The following PRDM15 variants were observed in gnomAD, a reference collection of about 807,000 sequenced individuals.
The protein encoded by PRDM15 is PR/SET domain 15, also known as PR domain zinc finger protein 15.
Under a neutral mutation model 128.6 loss-of-function variants are expected in PRDM15, and 64 were observed. That is an observed-to-expected ratio of 0.50 (90% CI 0.41 to 0.61). The LOEUF (loss-of-function observed/expected upper bound fraction) is 0.61, where lower values mean the gene tolerates loss of function less well. Ranked by LOEUF, PRDM15 falls within the 20% of genes least tolerant of loss-of-function variation. The pLI is 0.00. For synonymous variants in PRDM15, 615 were observed against 621.8 expected (o/e 0.99, Z 0.16); for missense variants, 1,242 against 1,569.1 (o/e 0.79, Z 3.52).
chr21:41,861,542 C>G (rs7280316), intron 1 of PRDM15: 538,726 of 1,563,420 alleles, frequency 0.34, 94,780 homozygotes, highest in African/African-American at 0.44. Context: ...CTGCCCCCCC[C>G]CAATCCCCAA....
Position 41,828,201 on chromosome 21 carries a change from T to A in PRDM15, c.1499A>T (p.Asp500Val). 2 of 1,614,000 alleles carry A rather than the reference T, an allele frequency of 1.2e-6. No individual in the cohort carries two copies. The highest frequency in any genetic ancestry group is 1.7e-6 in the Non-Finnish European group (2 of 1,179,976). Residue 500 changes from aspartate to valine, a missense_variant, in exon 12 of 24, where the codon GAC becomes GTC. Transcript: ENST00000398548. This position sits in a 1 kb window ranked among gnomAD's most constrained non-coding sequence, Gnocchi z 5.7. ...CCGGCGCTGGTGGTCCAGCATGACGTCCTTGCGGTAGAACATCTTGCTGCA... is the reference window on the plus strand; with the variant it reads ...CCGGCGCTGGTGGTCCAGCATGACGACCTTGCGGTAGAACATCTTGCTGCA... ...EVCSKMFYRK[D>V]VMLDHQRRHL...
intron 13 of PRDM15, among the ~76,000 whole-genome samples, chr21:41,825,401 C>T (rs2146441851): frequency 6.6e-6 from 1 of 152,184 alleles, no homozygotes; most frequent in East Asian, 1.9e-4. Context: ...CAGGATGGCC[C>T]CCTCACCGTG....
At chr21:41,807,399 G>A (rs1321418839) in intron 21 of PRDM15, among the ~76,000 whole-genome samples, 2 of 152,012 alleles carry the variant, frequency 1.3e-5, no homozygotes, top group Admixed American at 6.5e-5. Context: ...TGACTCCAAC[G>A]AACACCTTCT....
intron 21 of PRDM15, among the ~76,000 whole-genome samples, chr21:41,806,623 T>C (rs147971425): frequency 0.18 from 855 of 4,630 alleles, 54 homozygotes; most frequent in Non-Finnish European, 0.25. Context: ...ATCACCACCA[T>C]CATCACCACC....
intron 14 of PRDM15, among the ~76,000 whole-genome samples, chr21:41,822,382 T>G (rs1200201278): frequency 2.6e-5 from 4 of 152,254 alleles, no homozygotes; most frequent in African/African-American, 9.6e-5. Context: ...TGATCAGCGC[T>G]TCTCCCAGCC....
chr21:41,840,329 C>T (rs1440754365), intron 6 of PRDM15, among the ~76,000 whole-genome samples: 2 of 151,902 alleles, frequency 1.3e-5, no homozygotes, highest in African/African-American at 4.8e-5. Flanking sequence ...GCCTGTAGTC[C>T]CAGCCACTGG....
intron 21 of PRDM15, among the ~76,000 whole-genome samples, chr21:41,805,994 C>CCACCACCACCACCACCACCACCAT (rs1568879341): frequency 8.7e-5 from 7 of 80,752 alleles, no homozygotes; most frequent in African/African-American, 2.3e-4. Context: ...ACTATCACCA[C>CCACCACCACCACCACCACCACCAT]CACCACCACC....
At chr21:41,843,712 A>G (rs998634037) in intron 6 of PRDM15, among the ~76,000 whole-genome samples, 1 of 152,222 alleles carries the variant, frequency 6.6e-6, no homozygotes, top group Admixed American at 6.5e-5. Flanking sequence ...GGCCACCGTC[A>G]GTATGGGTGG....
In PRDM15 at chr21:41,854,920, G is replaced by A. The variant is rs2063534983; in HGVS notation, c.286-102C>T. The A allele has an allele frequency of 7.4e-7, 1 of 1,348,086 alleles. No individual in the cohort carries two copies. The highest frequency in any genetic ancestry group is 1.0e-6 in the Non-Finnish European group (1 of 998,422). 83.5% of individuals were successfully genotyped at this position (1,348,086 alleles called of 1,614,324 possible). A position where few individuals can be genotyped will look rare whatever the true frequency, so the allele number is the denominator to read the frequency against. On this transcript the variant is annotated intron_variant, in intron 4 of 23. Transcript: ENST00000398548. This position sits in a 1 kb window ranked among gnomAD's most constrained non-coding sequence, Gnocchi z 4.6. ...GTGCTGAGGAACCCATCTAGACAGT[G>A]CCACGTCAGAGGCCATAAGGGCTCC...
At chr21:41,807,713 A>T (rs889486923) in intron 21 of PRDM15, among the ~76,000 whole-genome samples, 1 of 152,174 alleles carries the variant, frequency 6.6e-6, no homozygotes, top group African/African-American at 2.4e-5. Flanking sequence ...TGTTTGAGTT[A>T]ATGTAGAGGG....
intron 23 of PRDM15, among the ~76,000 whole-genome samples, chr21:41,802,196 AAG>A (rs550670418): frequency 5.9e-5 from 9 of 152,342 alleles, no homozygotes; most frequent in Non-Finnish European, 1.2e-4. Context: ...CCCCCAAAAC[AAG>A]AGAGAGAAGT....
intron 1 of PRDM15, among the ~76,000 whole-genome samples, chr21:41,869,049 T>G (rs1005610759): frequency 1.3e-5 from 2 of 152,182 alleles, no homozygotes; most frequent in Non-Finnish European, 2.9e-5. Context: ...GAGAGTTCCT[T>G]ATCTGTATAT....
intron 6 of PRDM15, among the ~76,000 whole-genome samples, chr21:41,846,815 C>G (rs2146708249): frequency 6.6e-6 from 1 of 152,356 alleles, no homozygotes; most frequent in East Asian, 1.9e-4. Flanking sequence ...CTGGCCCCTG[C>G]CAGTGCTCCA....
chr21:41,807,159 A>T (rs1383142168), intron 21 of PRDM15, among the ~76,000 whole-genome samples: 1 of 152,224 alleles, frequency 6.6e-6, no homozygotes, highest in Non-Finnish European at 1.5e-5. Flanking sequence ...AAGAACCACC[A>T]TAGAAGCATT....
chr21:41,816,457 G>T (rs2062056085), intron 18 of PRDM15, among the ~76,000 whole-genome samples: 1 of 152,158 alleles, frequency 6.6e-6, no homozygotes, highest in African/African-American at 2.4e-5. Flanking sequence ...ACGCACCAGG[G>T]AACAGGGCGA....
At chr21:41,836,404 C>CCTCCCA in intron 9 of PRDM15, 64 bp downstream of exon 9, 2 of 1,523,630 alleles carry the variant, frequency 1.3e-6, no homozygotes, top group Non-Finnish European at 1.8e-6. Context: ...TCCGTGCTGT[C>CCTCCCA]CTCCCACCCC....
In PRDM15 at chr21:41,847,209, G is replaced by A. The variant is rs1383024879; in HGVS notation, c.539-18C>T. On this transcript the variant is annotated intron_variant, in intron 5 of 23. Coordinates refer to ENST00000398548, the MANE Select transcript of PRDM15 (RefSeq NM_001040424.3). ...GCCTGCAGCTTCAAAAGACATGAGAGGAGAAAAAGGTGACCCCCAAGCAGC... is the reference window on the plus strand; with the variant it reads ...GCCTGCAGCTTCAAAAGACATGAGAAGAGAAAAAGGTGACCCCCAAGCAGC... 1.3e-6 allele frequency: 2 copies of A among 1,522,310 alleles called. No homozygotes were observed. The allele number at this position is 1,522,310 out of a possible 1,614,324, so 94.3% of individuals were successfully genotyped here.
chr21:41,845,376 C>T (rs924628731), intron 6 of PRDM15, among the ~76,000 whole-genome samples: 2 of 148,774 alleles, frequency 1.3e-5, no homozygotes, highest in African/African-American at 5.0e-5. Context: ...GGGGCTGCTC[C>T]TCAGTCTCCT....
At chr21:41,874,797 A>C (rs1427251791) in intron 1 of PRDM15, 1 of 152,172 alleles carries the variant, frequency 6.6e-6, no homozygotes, top group African/African-American at 2.4e-5. Flanking sequence ...CTGGACCACG[A>C]TGAACAAGGA....
Sources: gnomAD v4.1 joint callset for allele counts (sites outside exome capture counted in the v4.1 genomes callset) on GRCh38, gnomAD v4.1.1 for gene constraint, Gnocchi (gnomAD v3.1) non-coding constraint, MANE v1.5 for transcripts, NCBI Gene and HGNC (gene_info 2026-07-23, HGNC 2026-07-21) for gene names.